STMN3: variants seen among roughly 807,000 people sequenced by gnomAD.
STMN3 encodes the protein stathmin 3.
In STMN3, 24 loss-of-function variants were observed where a neutral mutation model predicts 23.2. The ratio of observed to expected loss-of-function variants is 1.03; its 90% CI spans 0.75 to 1.45. STMN3 has a LOEUF of 1.45. STMN3 is among the 40% of genes most tolerant of loss of function. The probability of loss-of-function intolerance (pLI) is 0.00; values close to 1 mark genes in which losing one functional copy is unlikely to be tolerated. For synonymous variants in STMN3, 117 were observed against 103.4 expected, an observed-to-expected ratio of 1.13 and a Z score of -0.80; for missense variants, 235 against 237.6, an observed-to-expected ratio of 0.99 and a Z score of 0.07.
intron 1 of STMN3, among the ~76,000 whole-genome samples, chr20:63,647,946 G>GTATATA (rs1569070224): frequency 4.8e-5 from 4 of 83,230 alleles, no homozygotes; most frequent in African/African-American, 2.0e-4. Flanking sequence ...ATGTGTGTGT[G>GTATATA]TGTATATATA....
At chr20:63,644,365 C>A in intron 1 of STMN3, 56 bp from the exon 2 acceptor site, 7 of 1,375,424 alleles carry the variant, frequency 5.1e-6, no homozygotes, top group Non-Finnish European at 7.1e-6. Context: ...CACCTGGGCC[C>A]CCGTTTTCCC....
rs1322546025 is a variant in STMN3 at position 63,641,316 on chromosome 20, G to A, written c.*22C>T. 1.3e-6 allele frequency: 2 copies of A among 1,558,190 alleles called. No individual in the cohort carries two copies. Among genetic ancestry groups the A allele is most frequent in the East Asian group, 4.8e-5 (2 of 41,740 alleles). On this transcript the variant is annotated 3_prime_UTR_variant, in exon 5 of 5. Coordinates refer to ENST00000370053, the MANE Select transcript of STMN3 (RefSeq NM_015894.4). ...ACCCGAACGTGTTCTGTCGCAGGAT[G>A]GGCGCCGCCCGTCCCGGGCCCTTAG...
At chr20:63,644,080 T>C in intron 2 of STMN3, 134 bp downstream of exon 2, 1 of 1,336,000 alleles carries the variant, frequency 7.5e-7, no homozygotes, top group Non-Finnish European at 1.0e-6. Context: ...GCCCCCAGGA[T>C]GGGCCCCTTC....
At chr20:63,645,986 G>A (rs2089806046) in intron 1 of STMN3, among the ~76,000 whole-genome samples, 1 of 152,022 alleles carries the variant, frequency 6.6e-6, no homozygotes, top group Non-Finnish European at 1.5e-5. Context: ...AGGAAGAAAG[G>A]AAGGAGGGAG....
At chr20:63,647,521 C>T (rs1359789515) in intron 1 of STMN3, among the ~76,000 whole-genome samples, 4 of 150,402 alleles carry the variant, frequency 2.7e-5, no homozygotes, top group Non-Finnish European at 3.0e-5. Flanking sequence ...GAGACTGAGA[C>T]GGGAGAATCG....
At chr20:63,648,553 T>C (rs144812356) in intron 1 of STMN3, among the ~76,000 whole-genome samples, 2,109 of 152,138 alleles carry the variant, frequency 0.014, 18 homozygotes, top group Non-Finnish European at 0.021. Context: ...CTAGGCAACA[T>C]GGTGAAACCC....
chr20:63,646,386 G>A (rs1246282468), intron 1 of STMN3, among the ~76,000 whole-genome samples: 6 of 151,964 alleles, frequency 3.9e-5, no homozygotes, highest in Non-Finnish European at 8.8e-5. Flanking sequence ...ATGGAGTCTT[G>A]CACTGTTGCC....
At chr20:63,647,910 G>GAA (rs2089827688) in intron 1 of STMN3, among the ~76,000 whole-genome samples, 1 of 116,850 alleles carries the variant, frequency 8.6e-6, no homozygotes, top group Non-Finnish European at 1.8e-5. Flanking sequence ...ATACACGTGT[G>GAA]TATATATTAA....
intron 4 of STMN3, 77 bp from the exon 5 acceptor site, chr20:63,641,474 C>G (rs1282031158): frequency 7.7e-7 from 1 of 1,296,442 alleles, no homozygotes; most frequent in East Asian, 2.5e-5. Context: ...GCGCGCAGGC[C>G]GTGGCGCCCT....
Position 63,650,657 on chromosome 20 carries a change from G to A in STMN3, c.19+2670C>T, listed in dbSNP as rs6089950. 2.8e-5 allele frequency among the ~76,000 whole-genome samples: 2 copies of A among 72,590 alleles called. 1 individual carries two copies. The allele number at this position is 72,590 out of a possible 152,430, so 47.6% of individuals were successfully genotyped here. A position where few individuals can be genotyped will look rare whatever the true frequency, so the allele number is the denominator to read the frequency against. The stretch of plus-strand genomic sequence containing the variant: ...GCCCGCTCCCAGGGTCACACCTGAC[G>A]CCCACCCGGGTGGATGGTGCCCGCT... On this transcript the variant is annotated intron_variant, in intron 1 of 4. Coordinates refer to ENST00000370053, the MANE Select transcript of STMN3 (RefSeq NM_015894.4).
At chr20:63,643,112 C>T (rs2089781944) in intron 3 of STMN3, among the ~76,000 whole-genome samples, 1 of 152,080 alleles carries the variant, frequency 6.6e-6, no homozygotes, top group Non-Finnish European at 1.5e-5. Context: ...TCCAGCTTCC[C>T]TGTCTGGGAG....
At position 63,653,392 on chromosome 20, in the gene STMN3, G is replaced by GCGGCCGGAGCTGCAGA. The variant is rs1165335077; in HGVS notation, c.-63_-48dup. On this transcript the variant is annotated 5_prime_UTR_variant, in exon 1 of 5. Coordinates refer to ENST00000370053, the MANE Select transcript of STMN3 (RefSeq NM_015894.4). ...TGCGGAGGCTGGAGAGGCGCAAGTG[G>GCGGCCGGAGCTGCAGA]CGGCCGGAGCTGCAGACGGCTGGTG... The GCGGCCGGAGCTGCAGA allele has an allele frequency of 5.2e-6, 8 of 1,533,184 alleles. No individual in the cohort carries two copies. Among genetic ancestry groups the GCGGCCGGAGCTGCAGA allele is most frequent in the Admixed American group, 2.0e-5 (1 of 49,826 alleles). 95.0% of individuals were successfully genotyped at this position (1,533,184 alleles called of 1,614,324 possible). A position where few individuals can be genotyped will look rare whatever the true frequency, so the allele number is the denominator to read the frequency against.
Position 63,644,328 on chromosome 20 carries a change from G to T in STMN3, c.20-19C>A. On this transcript the variant is annotated intron_variant, in intron 1 of 4. Coordinates refer to ENST00000370053, the MANE Select transcript of STMN3 (RefSeq NM_015894.4). ...TTGTAGGCTGTGGGCACAAGGCTGG[G>T]CTGAGCAAGCACCACTGGGGCCTGC... 1 of 1,600,322 alleles carries T rather than the reference G, an allele frequency of 6.2e-7. No homozygotes were observed. The highest frequency in any genetic ancestry group is 8.5e-7 in the Non-Finnish European group (1 of 1,171,686).
rs2089869916 is a variant in STMN3, at chr20:63,652,663, C to T, written c.19+664G>A. On this transcript the variant is annotated intron_variant, in intron 1 of 4. Transcript: ENST00000370053. The surrounding 1 kb of genome is among the most constrained non-coding windows in gnomAD (Gnocchi z 5.3). ...CCGGAGGGTTTGGGGATCGCAGTCG[C>T]CCCTCCCCCATCCAGACCCCGCGGC... 1 of 985,656 alleles carries T rather than the reference C, an allele frequency of 1.0e-6. No homozygotes were observed. Among genetic ancestry groups the T allele is most frequent in the Non-Finnish European group, 1.2e-6 (1 of 830,124 alleles). The allele number at this position is 985,656 out of a possible 1,614,324, so 61.1% of individuals were successfully genotyped here. A position where few individuals can be genotyped will look rare whatever the true frequency, so the allele number is the denominator to read the frequency against.
At chr20:63,642,569 G>A (rs1283175691) in intron 3 of STMN3, among the ~76,000 whole-genome samples, 1 of 151,748 alleles carries the variant, frequency 6.6e-6, no homozygotes, top group South Asian at 2.1e-4. Flanking sequence ...TCCTGGCTGC[G>A]CCCAGGGCCC....
chr20:63,647,586 A>C (rs533783033), intron 1 of STMN3, among the ~76,000 whole-genome samples: 1 of 149,388 alleles, frequency 6.7e-6, no homozygotes, highest in African/African-American at 2.5e-5. Context: ...ACTGCACTCC[A>C]GCCTGGGTGA....
At chr20:63,642,443 C>T in intron 3 of STMN3, 144 bp from the exon 4 acceptor site, 1 of 353,868 alleles carries the variant, frequency 2.8e-6, no homozygotes, top group South Asian at 1.1e-4. Flanking sequence ...CGCCGGGACC[C>T]CCGGGCGCTG....
intron 2 of STMN3, 39 bp from the exon 3 acceptor site, chr20:63,643,970 C>A: frequency 1.3e-6 from 2 of 1,582,652 alleles, no homozygotes; most frequent in South Asian, 1.2e-5. Flanking sequence ...AGAGGCCCGG[C>A]CAGGGCATGG....
rs1199545488 is a variant in STMN3 at position 63,641,085 on chromosome 20, G to A, written c.*253C>T. The A allele has an allele frequency of 2.8e-5, 16 of 571,794 alleles. No individual in the cohort carries two copies. In the East Asian group the frequency reaches 3.9e-4, roughly 14 times the overall value. 35.4% of individuals were successfully genotyped at this position (571,794 alleles called of 1,614,324 possible). On this transcript the variant is annotated 3_prime_UTR_variant, in exon 5 of 5. Transcript: ENST00000370053. ...CACCTCTCTCACAGGGCCCCCGGGG[G>A]ACCCAGCCGCGCCCGGCCTGGTGTC...
Sources: allele counts gnomAD v4.1 joint callset (sites outside exome capture counted in the v4.1 genomes callset), GRCh38; gene constraint gnomAD v4.1.1; non-coding constraint Gnocchi (gnomAD v3.1); transcripts MANE v1.5; gene names NCBI Gene and HGNC (gene_info 2026-07-23, HGNC 2026-07-21).